MLLT1: variants seen among roughly 807,000 people sequenced by gnomAD.
MLLT1 encodes MLLT1 super elongation complex subunit, also known as protein ENL.
MLLT1 carries 11 observed loss-of-function variants against 55.1 expected under a neutral mutation model. That is an observed-to-expected ratio of 0.20 (90% CI 0.13 to 0.33). The LOEUF is 0.33. MLLT1 is among the 10% of genes least tolerant of loss of function. MLLT1 has a pLI of 1.00. For missense variants in MLLT1, 536 were observed against 760.6 expected (o/e 0.70, Z 3.47); for synonymous variants, 323 against 320.1 (o/e 1.01, Z -0.10).
chr19:6,213,473 A>G (rs2090802493), intron 10 of MLLT1, 65 bp from the exon 11 acceptor site: 1 of 1,351,174 alleles, frequency 7.4e-7, no homozygotes, highest in South Asian at 1.2e-5. Flanking sequence ...TCCCATGCCC[A>G]GCCCCACCCA....
intron 3 of MLLT1, among the ~76,000 whole-genome samples, chr19:6,241,282 CAGGCAGAGTCCAGCTGG>C (rs2091110673): frequency 6.6e-6 from 1 of 152,260 alleles, no homozygotes; most frequent in African/African-American, 2.4e-5. Flanking sequence ...AAGCCACTGC[CAGGCAGAGTCCAGCTGG>C]AGGCAGGGTC....
chr19:6,262,354 T>C lies in MLLT1; in HGVS notation c.194-44A>G. On this transcript the variant is annotated intron_variant, in intron 2 of 11. Coordinates refer to ENST00000252674, the MANE Select transcript of MLLT1 (RefSeq NM_005934.4). This position sits in a 1 kb window ranked among gnomAD's most constrained non-coding sequence, Gnocchi z 4.4. ...AACACACCCATCAGCCTCCTGCCTG[T>C]TTCAGGCCCAGCTGCCAGCGGCAGT... 2 of 1,551,886 alleles carry C rather than the reference T, an allele frequency of 1.3e-6. No homozygotes were observed. The highest frequency in any genetic ancestry group is 1.8e-6 in the Non-Finnish European group (2 of 1,127,176).
At chr19:6,261,267 G>A (rs778663701) in intron 3 of MLLT1, among the ~76,000 whole-genome samples, 13 of 152,200 alleles carry the variant, frequency 8.5e-5, no homozygotes, top group Admixed American at 5.2e-4. Context: ...ACTGGACCCC[G>A]CGCGAGGCCT....
Position 6,212,496 on chromosome 19 carries a change from G to A in MLLT1, c.*546C>T. The A allele has an allele frequency of 9.4e-7, 1 of 1,068,308 alleles. No homozygotes were observed. The highest frequency in any genetic ancestry group is 1.1e-6 in the Non-Finnish European group (1 of 881,494). 66.2% of individuals were successfully genotyped at this position (1,068,308 alleles called of 1,614,324 possible). ...AGACAGTGCACACACATATATAATAGAGAGAACTATACAGCACAGACCCCA... is the reference window on the plus strand; with the variant it reads ...AGACAGTGCACACACATATATAATAAAGAGAACTATACAGCACAGACCCCA... On this transcript the variant is annotated 3_prime_UTR_variant, in exon 12 of 12. Coordinates refer to ENST00000252674, the MANE Select transcript of MLLT1 (RefSeq NM_005934.4).
At position 6,262,193 on chromosome 19, in the gene MLLT1, A is replaced by G. The variant is rs1248588894; in HGVS notation, c.276+35T>C. 2.5e-6 allele frequency: 4 copies of G among 1,570,586 alleles called. No homozygotes were observed. Among genetic ancestry groups the G allele is most frequent in the Non-Finnish European group, 3.5e-6 (4 of 1,140,878 alleles). ...GCACCCGGAGCAGGGGTCCCCACAG[A>G]GAGGCATCCTGCTTGCTCCCCTCAG... On this transcript the variant is annotated intron_variant, in intron 3 of 11. Coordinates refer to ENST00000252674, the MANE Select transcript of MLLT1 (RefSeq NM_005934.4). The surrounding 1 kb of genome is among the most constrained non-coding windows in gnomAD (Gnocchi z 4.4).
Position 6,226,891 on chromosome 19 carries a change from GC to G in MLLT1, c.546+85del. On this transcript the variant is annotated intron_variant, in intron 5 of 11. Coordinates refer to ENST00000252674, the MANE Select transcript of MLLT1 (RefSeq NM_005934.4). This position sits in a 1 kb window ranked among gnomAD's most constrained non-coding sequence, Gnocchi z 6.3. ...GGAGCGAGCAGGTGCGGAAGGCCCA[GC>G]CCAGTGGAGGGAGGGCGCCGGGGCC... 1 of 1,225,044 alleles carries G rather than the reference GC, an allele frequency of 8.2e-7. No homozygotes were observed. Among genetic ancestry groups the G allele is most frequent in the Non-Finnish European group, 1.1e-6 (1 of 917,442 alleles). 75.9% of individuals were successfully genotyped at this position (1,225,044 alleles called of 1,614,324 possible).
At chr19:6,267,293 C>T (rs1018526142) in intron 2 of MLLT1, among the ~76,000 whole-genome samples, 3 of 151,474 alleles carry the variant, frequency 2.0e-5, no homozygotes, top group South Asian at 2.1e-4. Flanking sequence ...TAGTAGAGAC[C>T]GAGTTTCAGC....
At position 6,230,760 on chromosome 19, in the gene MLLT1, T is replaced by G. The variant is rs2233185; in HGVS notation, c.277-47A>C. The stretch of plus-strand genomic sequence containing the variant: ...AGTCTGCATCAGAGGGTGGCCGTGG[T>G]GCAGGGACACAGCTCCCCATTGGCC... On this transcript the variant is annotated intron_variant, in intron 3 of 11. Transcript: ENST00000252674. The surrounding 1 kb of genome is among the most constrained non-coding windows in gnomAD (Gnocchi z 9.0). 452,700 of 1,606,988 alleles carry G rather than the reference T, an allele frequency of 0.28. 71,691 individuals are homozygous for G. The highest frequency in any genetic ancestry group is 0.67 in the African/African-American group (50,258 of 74,774).
In MLLT1 at chr19:6,212,498, G is replaced by A. The variant is rs1294811617; in HGVS notation, c.*544C>T. 2 of 1,068,340 alleles carry A rather than the reference G, an allele frequency of 1.9e-6. No homozygotes were observed. The highest frequency in any genetic ancestry group is 5.0e-5 in the East Asian group (1 of 20,196). 66.2% of individuals were successfully genotyped at this position (1,068,340 alleles called of 1,614,324 possible). ...ACAGTGCACACACATATATAATAGA[G>A]AGAACTATACAGCACAGACCCCAGC... On this transcript the variant is annotated 3_prime_UTR_variant, in exon 12 of 12. Coordinates refer to ENST00000252674, the MANE Select transcript of MLLT1 (RefSeq NM_005934.4).
chr19:6,218,736 C>G (rs1046980976), intron 6 of MLLT1, among the ~76,000 whole-genome samples: 1 of 152,182 alleles, frequency 6.6e-6, no homozygotes, highest in Admixed American at 6.5e-5. Context: ...GCAGGGCAGG[C>G]GTGTATGGGG....
Position 6,279,875 on chromosome 19 carries a change from G to A in MLLT1, c.-91C>T, listed in dbSNP as rs868001743. 1 of 162,112 alleles carries A rather than the reference G, an allele frequency of 6.2e-6. No individual in the cohort carries two copies. The highest frequency in any genetic ancestry group is 1.3e-5 in the Non-Finnish European group (1 of 79,406). 10.0% of individuals were successfully genotyped at this position (162,112 alleles called of 1,614,324 possible). ...TCAACGCCGCCCCGCCGCCCTCATT[G>A]TCTGTCAAGCGCCGCCGCCGCCGCC... On this transcript the variant is annotated 5_prime_UTR_variant, in exon 1 of 12. Transcript: ENST00000252674.
chr19:6,217,324 G>A (rs973070256), intron 7 of MLLT1, among the ~76,000 whole-genome samples: 6 of 152,212 alleles, frequency 3.9e-5, no homozygotes, highest in Non-Finnish European at 5.9e-5. Flanking sequence ...ATCCAGGAGT[G>A]GAAACGCTTT....
At chr19:6,218,213 G>A (rs1410145100) in intron 6 of MLLT1, among the ~76,000 whole-genome samples, 172 bp from the exon 7 acceptor site, 10 of 152,216 alleles carry the variant, frequency 6.6e-5, no homozygotes, top group Admixed American at 5.2e-4. Context: ...AGGAGCCAGC[G>A]GCCAGGCCAT....
At chr19:6,252,950 A>G (rs529011089) in intron 3 of MLLT1, among the ~76,000 whole-genome samples, 7 of 152,272 alleles carry the variant, frequency 4.6e-5, no homozygotes, top group African/African-American at 1.7e-4. Flanking sequence ...ATAACCTTAG[A>G]AGCAAATTAC....
intron 3 of MLLT1, among the ~76,000 whole-genome samples, chr19:6,248,846 G>A (rs1300414926): frequency 6.6e-6 from 1 of 152,176 alleles, no homozygotes; most frequent in Non-Finnish European, 1.5e-5. Flanking sequence ...ATTAAGGGAG[G>A]TTGGGTTGTG....
At position 6,213,418 on chromosome 19, in the gene MLLT1, G is replaced by T. The variant is rs201066234; in HGVS notation, c.1480-10C>A. ...GCTCATCCGTGTAGGCCTGGGGAGG[G>T]GGGGCAGGTCTCAGCAGCGTGTGGG... is the stretch of plus-strand genomic sequence containing the variant. On this transcript the variant is annotated splice_polypyrimidine_tract_variant and intron_variant, in intron 10 of 11. Coordinates refer to ENST00000252674, the MANE Select transcript of MLLT1 (RefSeq NM_005934.4). 37 of 1,609,754 alleles carry T rather than the reference G, an allele frequency of 2.3e-5. No individual in the cohort carries two copies. Among genetic ancestry groups the T allele is most frequent in the Non-Finnish European group, 3.0e-5 (35 of 1,179,110 alleles).
intron 3 of MLLT1, among the ~76,000 whole-genome samples, chr19:6,253,873 C>T (rs550706469): frequency 6.6e-6 from 1 of 152,182 alleles, no homozygotes; most frequent in African/African-American, 2.4e-5. Flanking sequence ...GCTCCTAGTC[C>T]TGGCACCGAG....
chr19:6,212,691 G>GCGA lies in MLLT1; in HGVS notation c.*348_*350dup. 1 of 1,121,764 alleles carries GCGA rather than the reference G, an allele frequency of 8.9e-7. No homozygotes were observed. 69.5% of individuals were successfully genotyped at this position (1,121,764 alleles called of 1,614,324 possible). On this transcript the variant is annotated 3_prime_UTR_variant, in exon 12 of 12. Transcript: ENST00000252674. ...TCCGCTGCTCAGAAAGGCTGGGGCA[G>GCGA]CGACGCCGCACAGCCCGCCGAGCAG...
Position 6,273,582 on chromosome 19 carries a change from A to G in MLLT1, c.13-2823T>C, listed in dbSNP as rs915374998. ...CCAACAAACCCAAAACAACACTGACATTAGCCCCGAGCGGCCATGACCACC... is the reference window on the plus strand; with the variant it reads ...CCAACAAACCCAAAACAACACTGACGTTAGCCCCGAGCGGCCATGACCACC... On this transcript the variant is annotated intron_variant, in intron 1 of 11. Transcript: ENST00000252674. The surrounding 1 kb of genome is among the most constrained non-coding windows in gnomAD (Gnocchi z 4.3). 6.6e-6 allele frequency among the ~76,000 whole-genome samples: 1 copy of G among 152,144 alleles called. No individual in the cohort carries two copies. Among genetic ancestry groups the G allele is most frequent in the Non-Finnish European group, 1.5e-5 (1 of 68,024 alleles).
Sources: allele counts gnomAD v4.1 joint callset (sites outside exome capture counted in the v4.1 genomes callset), GRCh38; gene constraint gnomAD v4.1.1; non-coding constraint Gnocchi (gnomAD v3.1); transcripts MANE v1.5; gene names NCBI Gene and HGNC (gene_info 2026-07-23, HGNC 2026-07-21).